CCNY: variants seen among roughly 807,000 people sequenced by gnomAD.
The protein encoded by CCNY is cyclin-Y.
CCNY carries 19 observed loss-of-function variants against 42.8 expected under a neutral mutation model. That is an observed-to-expected ratio of 0.44 (90% CI 0.31 to 0.65). CCNY has a LOEUF of 0.65. Among genes scored for constraint, CCNY ranks in the 30% least tolerant of loss-of-function variants. The probability of loss-of-function intolerance (pLI) is 0.07; values close to 1 mark genes in which losing one functional copy is unlikely to be tolerated. For synonymous variants in CCNY, 165 were observed against 162.7 expected (o/e 1.01, Z -0.11); for missense variants, 370 against 437.3 (o/e 0.85, Z 1.37).
chr10:35,419,983 A>ATGG (rs1259906211), intron 1 of CCNY, among the ~76,000 whole-genome samples: 1 of 137,806 alleles, frequency 7.3e-6, no homozygotes, highest in East Asian at 2.1e-4. Context: ...GGTCCTGCAG[A>ATGG]TGGTTTCTTT....
chr10:35,559,377 C>T (rs1841421891), intron 8 of CCNY, among the ~76,000 whole-genome samples: 1 of 152,178 alleles, frequency 6.6e-6, no homozygotes, highest in Non-Finnish European at 1.5e-5. Flanking sequence ...AGCCTAGTCC[C>T]TCTTGTTGCT....
chr10:35,519,576 TC>T (rs1170689702), intron 4 of CCNY, among the ~76,000 whole-genome samples: 1 of 150,442 alleles, frequency 6.6e-6, no homozygotes, highest in Non-Finnish European at 1.5e-5. Context: ...CCCACCAATG[TC>T]CCCCTGCCAC....
intron 1 of CCNY, among the ~76,000 whole-genome samples, chr10:35,406,619 A>G (rs533011058): frequency 1.3e-5 from 2 of 152,270 alleles, no homozygotes; most frequent in African/African-American, 4.8e-5. Context: ...AAAGTCTCCC[A>G]TGTCTACCTC....
At chr10:35,543,575 G>C (rs777246737) in intron 7 of CCNY, among the ~76,000 whole-genome samples, 2 of 150,732 alleles carry the variant, frequency 1.3e-5, no homozygotes, top group Non-Finnish European at 3.0e-5. Context: ...TGTGCTGTCA[G>C]ACATGTAAAA....
chr10:35,407,043 T>A (rs1305394299), intron 1 of CCNY, among the ~76,000 whole-genome samples: 3 of 152,220 alleles, frequency 2.0e-5, no homozygotes, highest in South Asian at 4.1e-4. Flanking sequence ...AGGCCTTGAA[T>A]TGGGTTGAGT....
At chr10:35,383,628 A>G (rs1384979503) in intron 1 of CCNY, among the ~76,000 whole-genome samples, 1 of 152,212 alleles carries the variant, frequency 6.6e-6, no homozygotes, top group Non-Finnish European at 1.5e-5. Flanking sequence ...TCAAAAGAAG[A>G]AAGTATTTCT....
intron 1 of CCNY, among the ~76,000 whole-genome samples, chr10:35,355,764 G>A (rs187750040): frequency 5.4e-5 from 8 of 148,660 alleles, no homozygotes; most frequent in Admixed American, 4.7e-4. Flanking sequence ...AAATGTCTCT[G>A]AGACTAGTAT....
At chr10:35,501,627 T>C in intron 3 of CCNY, 92 bp downstream of exon 3, 1 of 1,097,802 alleles carries the variant, frequency 9.1e-7, no homozygotes, top group Admixed American at 1.7e-5. Context: ...ATGGCTCATG[T>C]GCTTTGTAGA....
chr10:35,466,237 G>A (rs1468501685), intron 1 of CCNY, among the ~76,000 whole-genome samples: 2 of 152,114 alleles, frequency 1.3e-5, no homozygotes, highest in African/African-American at 4.8e-5. Context: ...GTGAGCCTAG[G>A]AGGGTCAGGA....
intron 5 of CCNY, 47 bp from the exon 6 acceptor site, chr10:35,529,926 C>A: frequency 2.0e-6 from 3 of 1,465,442 alleles, no homozygotes; most frequent in East Asian, 2.3e-5. Context: ...ATTTGAATGA[C>A]ATTCTTGCAG....
intron 1 of CCNY, among the ~76,000 whole-genome samples, chr10:35,377,212 G>C (rs749580932): frequency 6.6e-6 from 1 of 152,174 alleles, no homozygotes; most frequent in African/African-American, 2.4e-5. Flanking sequence ...GTTGACAGTA[G>C]TGTACAGTAA....
At chr10:35,372,573 ACG>A (rs1836961289) in intron 1 of CCNY, among the ~76,000 whole-genome samples, 1 of 152,152 alleles carries the variant, frequency 6.6e-6, no homozygotes, top group Non-Finnish European at 1.5e-5. Flanking sequence ...TTTCCTGATT[ACG>A]TGCCTTTGCT....
intron 3 of CCNY, among the ~76,000 whole-genome samples, chr10:35,272,540 G>A (rs566804887): frequency 3.3e-5 from 5 of 152,220 alleles, no homozygotes; most frequent in South Asian, 2.1e-4. Flanking sequence ...CTGTTCCTGC[G>A]TTAGTTTGCT....
intron 1 of CCNY, among the ~76,000 whole-genome samples, chr10:35,391,638 A>G (rs1243042629): frequency 6.6e-6 from 1 of 152,224 alleles, no homozygotes; most frequent in Non-Finnish European, 1.5e-5. Context: ...CATATTTAAC[A>G]TTACCCTAGT....
At chr10:35,472,849 T>TA (rs1463272696) in intron 1 of CCNY, among the ~76,000 whole-genome samples, 1 of 152,218 alleles carries the variant, frequency 6.6e-6, no homozygotes, top group Non-Finnish European at 1.5e-5. Context: ...AAATAGGTCA[T>TA]GTAGAATAGG....
chr10:35,337,099 C>T lies in CCNY; in HGVS notation c.46C>T (p.Arg16Trp), dbSNP rs1836056207. 1.3e-6 allele frequency: 2 copies of T among 1,594,936 alleles called. No homozygotes were observed. Among genetic ancestry groups the T allele is most frequent in the Non-Finnish European group, 1.7e-6 (2 of 1,172,712 alleles). ...SCCVSSSPKLRRNAHSRLESY... is the reference protein window; with the variant it reads ...SCCVSSSPKLWRNAHSRLESY... ...CTGCGTGTCGTCCAGTCCCAAGCTC[C>T]GGAGGAATGCCCACTCCCGGCTGGA... Residue 16 changes from arginine to tryptophan, a missense_variant, in exon 1 of 10, where the codon CGG becomes TGG. Around this residue, in one of 2 missense-constraint regions of CCNY, gnomAD observed 136 missense variants for 124.2 expected, o/e 1.09. Transcript: ENST00000374704.
intron 7 of CCNY, among the ~76,000 whole-genome samples, chr10:35,547,460 C>G (rs1226900225): frequency 1.3e-5 from 2 of 152,124 alleles, no homozygotes; most frequent in Non-Finnish European, 2.9e-5. Flanking sequence ...TTGAAGGTCT[C>G]TTTGGCTTCC....
intron 3 of CCNY, among the ~76,000 whole-genome samples, chr10:35,277,916 G>A (rs933156666): frequency 6.6e-6 from 1 of 152,108 alleles, no homozygotes; most frequent in African/African-American, 2.4e-5. Context: ...TATCCTAAAA[G>A]GCCACGCAAT....
At chr10:35,432,614 C>A (rs1838437839) in intron 1 of CCNY, among the ~76,000 whole-genome samples, 1 of 152,160 alleles carries the variant, frequency 6.6e-6, no homozygotes, top group African/African-American at 2.4e-5. Flanking sequence ...ATCTGTCCAC[C>A]AGCCATCTTA....
Sources: allele counts gnomAD v4.1 joint callset (sites outside exome capture counted in the v4.1 genomes callset), GRCh38; gene constraint gnomAD v4.1.1; regional missense constraint gnomAD v4.1.1; transcripts MANE v1.5; gene names NCBI Gene and HGNC (gene_info 2026-07-23, HGNC 2026-07-21).